Variants in ARHGAP29 observed in about 807,000 individuals in gnomAD.
ARHGAP29 encodes Rho GTPase activating protein 29, also known as rho GTPase-activating protein 29.
A neutral mutation model predicts 122.6 loss-of-function variants in ARHGAP29; 43 were observed. The ratio of observed to expected loss-of-function variants is 0.35; its 90% CI spans 0.27 to 0.45. The LOEUF (loss-of-function observed/expected upper bound fraction) is 0.45. Among genes scored for constraint, ARHGAP29 ranks in the 20% least tolerant of loss-of-function variants. The pLI, the probability that ARHGAP29 is intolerant of heterozygous loss-of-function variation, is 1.00. For synonymous variants in ARHGAP29, 506 were observed against 497.1 expected (o/e 1.02, Z -0.24); for missense variants, 1,303 against 1,477.2 (o/e 0.88, Z 1.93).
At chr1:94,206,480 T>C (rs576381335) in intron 5 of ARHGAP29, among the ~76,000 whole-genome samples, 62 of 152,310 alleles carry the variant, frequency 4.1e-4, no homozygotes, top group Middle Eastern at 3.4e-3. Context: ...ATATTTTAAG[T>C]TCACTAACTT....
At chr1:94,224,296 T>C (rs915354218) in intron 2 of ARHGAP29, among the ~76,000 whole-genome samples, 2 of 152,208 alleles carry the variant, frequency 1.3e-5, no homozygotes, top group South Asian at 4.1e-4. Context: ...TAAATGTTAG[T>C]CTTAGAAAAG....
chr1:94,216,233 C>T (rs1326992468), intron 3 of ARHGAP29, among the ~76,000 whole-genome samples: 1 of 152,112 alleles, frequency 6.6e-6, no homozygotes, highest in Non-Finnish European at 1.5e-5. Context: ...GGAAATGATC[C>T]AAACATCTAT....
At chr1:94,190,343 A>C in intron 12 of ARHGAP29, 1 of 313,050 alleles carries the variant, frequency 3.2e-6, no homozygotes, top group Non-Finnish European at 5.8e-6. Flanking sequence ...GACTTCAAAA[A>C]CTCCATGCCC....
intron 5 of ARHGAP29, among the ~76,000 whole-genome samples, chr1:94,206,313 G>T (rs74339982): frequency 6.6e-6 from 1 of 151,922 alleles, no homozygotes; most frequent in Non-Finnish European, 1.5e-5. Context: ...ATTGCATTGT[G>T]CTGGAAAACA....
Position 94,177,605 on chromosome 1 carries a change from T to C in ARHGAP29, c.2905+7A>G, listed in dbSNP as rs1377496164. 6.3e-7 allele frequency: 1 copy of C among 1,589,916 alleles called. No homozygotes were observed. Among genetic ancestry groups the C allele is most frequent in the East Asian group, 2.2e-5 (1 of 44,480 alleles). On this transcript the variant is annotated splice_region_variant and intron_variant, in intron 22 of 22. Transcript: ENST00000260526. Reference sequence around the variant, plus strand: ...CAAACATATTTTTTTTTTACATGGCTACTCACCACTGAGACATGCATCACA... The same window carrying C: ...CAAACATATTTTTTTTTTACATGGCCACTCACCACTGAGACATGCATCACA...
rs139253018 is a variant in ARHGAP29 at position 94,272,171 on chromosome 1, G to A, written c.-33+2841C>T. Among the ~76,000 whole-genome samples the A allele has an allele frequency of 1.9e-3, 290 of 152,316 alleles. 1 individual carries two copies. Among genetic ancestry groups the A allele is most frequent in the East Asian group, 6.6e-3 (34 of 5,182 alleles). On this transcript the variant is annotated intron_variant and NMD_transcript_variant, in intron 1 of 25. Transcript: ENST00000552844. Reference sequence around the variant, plus strand: ...GTTAACCACCAGGAGAGCCACCAACGCCTGTTGAAGTAAAGGTTGAGGGTA... The same window carrying A: ...GTTAACCACCAGGAGAGCCACCAACACCTGTTGAAGTAAAGGTTGAGGGTA...
intron 5 of ARHGAP29, 83 bp from the exon 6 acceptor site, chr1:94,205,766 C>G: frequency 8.4e-7 from 1 of 1,189,062 alleles, no homozygotes; most frequent in South Asian, 1.3e-5. Flanking sequence ...CAATTTGTTA[C>G]TCTGACATAA....
Position 94,169,055 on chromosome 1 carries a change from CAA to C in ARHGAP29, c.*4812_*4813del, listed in dbSNP as rs1648549230. ...ATTTAAAAATTGTTACAGCCAAGACCAAAAAGTGAGAACCACAATTCAATATT... is the reference window on the plus strand; with the variant it reads ...ATTTAAAAATTGTTACAGCCAAGACCAAAGTGAGAACCACAATTCAATATT... On this transcript the variant is annotated 3_prime_UTR_variant, in exon 23 of 23. Transcript: ENST00000260526. Among the ~76,000 whole-genome samples, 1 of 152,110 alleles carries C rather than the reference CAA, an allele frequency of 6.6e-6. No homozygotes were observed. Among genetic ancestry groups the C allele is most frequent in the South Asian group, 2.1e-4 (1 of 4,816 alleles).
At chr1:94,227,994 A>G (rs1288271510) in intron 2 of ARHGAP29, among the ~76,000 whole-genome samples, 3 of 151,798 alleles carry the variant, frequency 2.0e-5, no homozygotes, top group Non-Finnish European at 4.4e-5. Flanking sequence ...TAAGACTACA[A>G]GGTAACCTCC....
chr1:94,213,935 T>C (rs1191938026), intron 3 of ARHGAP29, among the ~76,000 whole-genome samples: 2 of 152,216 alleles, frequency 1.3e-5, no homozygotes, highest in Non-Finnish European at 1.5e-5. Context: ...TTTTTTCTTC[T>C]AAGTCTTCAA....
At chr1:94,195,037 T>TA (rs1650366912) in intron 12 of ARHGAP29, 1 of 152,146 alleles carries the variant, frequency 6.6e-6, no homozygotes, top group Non-Finnish European at 1.5e-5. Context: ...AAATGATAAT[T>TA]AGAGGGAGAT....
chr1:94,173,946 G>A lies in ARHGAP29; in HGVS notation c.3709C>T (p.Pro1237Ser). The A allele has an allele frequency of 6.2e-7, 1 of 1,614,188 alleles. No individual in the cohort carries two copies. Among genetic ancestry groups the A allele is most frequent in the Non-Finnish European group, 8.5e-7 (1 of 1,180,020 alleles). ...SEELGLPDVNPMCQRPRLKRM... is the reference protein window; with the variant it reads ...SEELGLPDVNSMCQRPRLKRM... The stretch of plus-strand genomic sequence containing the variant: ...TTTAGCCTTGGTCTCTGACACATTG[G>A]ATTCACATCAGGCAAGCCAAGCTCC... The change falls in exon 23 of 23, where the codon CCA (proline) becomes TCA (serine). Residue 1237 changes from proline to serine, a missense_variant. Pro to Ser is a moderately conservative substitution (Grantham distance 74). Transcript: ENST00000260526.
At chr1:94,228,961 G>T (rs1336597293) in intron 2 of ARHGAP29, among the ~76,000 whole-genome samples, 1 of 151,794 alleles carries the variant, frequency 6.6e-6, no homozygotes, top group Non-Finnish European at 1.5e-5. Flanking sequence ...ATTCTTAAGA[G>T]CTGCCTTTTT....
intron 1 of ARHGAP29, among the ~76,000 whole-genome samples, chr1:94,252,690 T>C (rs1187033984): frequency 6.6e-6 from 1 of 151,550 alleles, no homozygotes; most frequent in Admixed American, 6.6e-5. Context: ...CATGGCCTCG[T>C]AAGTATTCTA....
At chr1:94,211,696 C>T (rs1432125767) in intron 3 of ARHGAP29, among the ~76,000 whole-genome samples, 1 of 152,146 alleles carries the variant, frequency 6.6e-6, no homozygotes, top group Non-Finnish European at 1.5e-5. Context: ...ACAGAAGGAT[C>T]TCTGGAAAAT....
intron 1 of ARHGAP29, among the ~76,000 whole-genome samples, chr1:94,254,970 G>A (rs889022373): frequency 1.3e-5 from 2 of 152,156 alleles, no homozygotes; most frequent in African/African-American, 4.8e-5. Flanking sequence ...AAAAGACAAA[G>A]GACATAAAGA....
intron 19 of ARHGAP29, among the ~76,000 whole-genome samples, chr1:94,181,369 G>A (rs1649448147): frequency 6.6e-6 from 1 of 152,178 alleles, no homozygotes. Context: ...GTATAAAACA[G>A]AGAGTCTCTG....
chr1:94,180,781 A>G (rs546902055), intron 19 of ARHGAP29, among the ~76,000 whole-genome samples: 1 of 152,336 alleles, frequency 6.6e-6, no homozygotes, highest in South Asian at 2.1e-4. Context: ...TTGTTTTAAG[A>G]ATGGAACATG....
At position 94,256,742 on chromosome 1, in the gene ARHGAP29, T is replaced by C. The variant is rs868115637; in HGVS notation, c.-33+18270A>G. Among the ~76,000 whole-genome samples the C allele has an allele frequency of 2.8e-4, 43 of 151,516 alleles. No individual in the cohort carries two copies. The Middle Eastern group carries it at 0.014, about 48-fold the overall frequency. The stretch of plus-strand genomic sequence containing the variant: ...CCCGGCTAATTTATTGTATTTTTAG[T>C]AGAGACGGGGTTTCACCATGTTAGC... On this transcript the variant is annotated intron_variant and NMD_transcript_variant, in intron 1 of 25. Coordinates refer to the ARHGAP29 transcript ENST00000552844.
Sources: gnomAD v4.1 joint callset for allele counts (sites outside exome capture counted in the v4.1 genomes callset) on GRCh38, gnomAD v4.1.1 for gene constraint, MANE v1.5 for transcripts, NCBI Gene and HGNC (gene_info 2026-07-23, HGNC 2026-07-21) for gene names.